The following USH2A variants were observed in gnomAD, a reference collection of about 807,000 sequenced individuals.
USH2A encodes Usher syndrome 2A (autosomal recessive, mild).
Under a neutral mutation model 538.9 loss-of-function variants are expected in USH2A, and 443 were observed. The ratio of observed to expected loss-of-function variants is 0.82; its 90% confidence interval spans 0.76 to 0.89. The LOEUF (loss-of-function observed/expected upper bound fraction) is 0.89, where lower values mean the gene tolerates loss of function less well. Ranked by LOEUF, USH2A falls within the 40% of genes least tolerant of loss-of-function variation. The probability of loss-of-function intolerance (pLI) is 0.00; values close to 1 mark genes in which losing one functional copy is unlikely to be tolerated. For missense variants in USH2A, 6,633 were observed against 6,324.8 expected, an observed-to-expected ratio of 1.05 and a Z score of -1.65; for synonymous variants, 2,413 against 2,273.5, an observed-to-expected ratio of 1.06 and a Z score of -1.75.
chr1:215,879,539 AC>A (rs1664857140), intron 41 of USH2A, among the ~76,000 whole-genome samples: 3 of 152,310 alleles, frequency 2.0e-5, no homozygotes, highest in African/African-American at 7.2e-5. Flanking sequence ...CAAATAAGTC[AC>A]TTTTTCTTGG....
At chr1:216,283,049 G>A (rs1414223555) in intron 11 of USH2A, among the ~76,000 whole-genome samples, 1 of 152,068 alleles carries the variant, frequency 6.6e-6, no homozygotes, top group African/African-American at 2.4e-5. Flanking sequence ...TTTGTGTATT[G>A]ATATTGTACT....
chr1:216,227,948 G>A (rs1244697890), intron 14 of USH2A, among the ~76,000 whole-genome samples: 2 of 152,106 alleles, frequency 1.3e-5, no homozygotes, highest in Non-Finnish European at 2.9e-5. Context: ...ACAGCAGAAG[G>A]GAGCCCACAA....
Position 215,695,593 on chromosome 1 carries a change from TC to T in USH2A, c.12067-15218del, listed in dbSNP as rs552430748. 5.3e-4 allele frequency among the ~76,000 whole-genome samples: 81 copies of T among 152,162 alleles called. 1 individual carries two copies. The South Asian group carries it at 0.016, about 31-fold the overall frequency. On this transcript the variant is annotated intron_variant, in intron 61 of 71. Transcript: ENST00000307340. The stretch of plus-strand genomic sequence containing the variant: ...AAATTTAGTTACAGGGAAAAGAAAC[TC>T]ATTTTGATTGGTTTTGTAAGGAAGA...
At chr1:215,681,866 G>T (rs796720572) in intron 61 of USH2A, among the ~76,000 whole-genome samples, 1 of 152,038 alleles carries the variant, frequency 6.6e-6, no homozygotes, top group Non-Finnish European at 1.5e-5. Flanking sequence ...GATATTACAC[G>T]CTAACCTCTT....
chr1:215,639,299 T>C (rs1656603173), intron 68 of USH2A, 61 bp from the exon 69 acceptor site: 1 of 1,541,644 alleles, frequency 6.5e-7, no homozygotes, highest in African/African-American at 1.4e-5. Context: ...ATAGGGCACA[T>C]GCTTTTAAAA....
chr1:216,185,370 G>C (rs1228631840), intron 20 of USH2A, among the ~76,000 whole-genome samples: 1 of 151,854 alleles, frequency 6.6e-6, no homozygotes, highest in Non-Finnish European at 1.5e-5. Flanking sequence ...TAATTCTCAA[G>C]CTTTTTAATG....
At chr1:216,017,401 T>C (rs1668740600) in intron 32 of USH2A, among the ~76,000 whole-genome samples, 1 of 152,232 alleles carries the variant, frequency 6.6e-6, no homozygotes, top group South Asian at 2.1e-4. Context: ...GAGATAACTT[T>C]ATAGAGTTAT....
chr1:215,816,012 T>G (rs754713147), intron 48 of USH2A, among the ~76,000 whole-genome samples: 3 of 152,066 alleles, frequency 2.0e-5, no homozygotes, highest in Non-Finnish European at 4.4e-5. Flanking sequence ...TAATAAATAT[T>G]AAAATAATAG....
At position 215,732,544 on chromosome 1, in the gene USH2A, C is replaced by CTTTT. The variant is rs141549439; in HGVS notation, c.11712-4164_11712-4161dup. 5.7e-3 allele frequency among the ~76,000 whole-genome samples: 421 copies of CTTTT among 73,610 alleles called. 1 individual carries two copies. The highest frequency in any genetic ancestry group is 0.014 in the African/African-American group (233 of 16,344). 48.3% of individuals were successfully genotyped at this position (73,610 alleles called of 152,430 possible). ...TCTTTCTTATTCTCCTTTTTTCTTT[C>CTTTT]TTTTTTTTTTTTTTTTTTTTTTTTT... On this transcript the variant is annotated intron_variant, in intron 60 of 71. Transcript: ENST00000307340.
At chr1:216,116,791 C>CA (rs1190768102) in intron 21 of USH2A, among the ~76,000 whole-genome samples, 1 of 151,438 alleles carries the variant, frequency 6.6e-6, no homozygotes, top group Admixed American at 6.6e-5. Context: ...AAGGGAATAA[C>CA]AAAATGAAGG....
At chr1:216,116,574 A>G (rs181490242) in intron 21 of USH2A, among the ~76,000 whole-genome samples, 13 of 152,262 alleles carry the variant, frequency 8.5e-5, no homozygotes, top group Non-Finnish European at 1.6e-4. Flanking sequence ...GACCAATACG[A>G]TACTTTATGC....
At position 216,325,838 on chromosome 1, in the gene USH2A, A is replaced by G. The variant is rs1384613561; in HGVS notation, c.849-239T>C. ...ATATTAACTTTTTATTTATATCAAG[A>G]AGCATGCATAAGCCCTTGTCTGATT... is the stretch of plus-strand genomic sequence containing the variant. On this transcript the variant is annotated intron_variant, in intron 5 of 71. Transcript: ENST00000307340. Among the ~76,000 whole-genome samples the G allele has an allele frequency of 2.6e-5, 4 of 152,204 alleles. 1 individual carries two copies. The highest frequency in any genetic ancestry group is 5.9e-5 in the Non-Finnish European group (4 of 68,036).
intron 3 of USH2A, among the ~76,000 whole-genome samples, chr1:216,409,502 A>T (rs1291056636): frequency 6.6e-6 from 1 of 152,186 alleles, no homozygotes; most frequent in Non-Finnish European, 1.5e-5. Context: ...TACAGTAAGC[A>T]AAACAGCATG....
In USH2A at chr1:215,942,500, G is replaced by T. The variant is rs138948622; in HGVS notation, c.7121-7705C>A. Among the ~76,000 whole-genome samples the T allele has an allele frequency of 7.6e-3, 1,155 of 152,228 alleles. 14 individuals are homozygous for T. Among genetic ancestry groups the T allele is most frequent in the African/African-American group, 0.026 (1,080 of 41,544 alleles). On this transcript the variant is annotated intron_variant, in intron 37 of 71. Transcript: ENST00000307340. ...CTGAACTGTATATATGAATCACCTT[G>T]CTAGAAAGAGATTTTGGACAAATTG...
chr1:216,110,832 A>C (rs954803227), intron 21 of USH2A, among the ~76,000 whole-genome samples: 1 of 152,198 alleles, frequency 6.6e-6, no homozygotes, highest in Non-Finnish European at 1.5e-5. Flanking sequence ...GCATCAATAA[A>C]TAAATGTTCA....
chr1:215,998,386 G>A (rs1668186309), intron 34 of USH2A, among the ~76,000 whole-genome samples: 1 of 151,828 alleles, frequency 6.6e-6, no homozygotes, highest in African/African-American at 2.4e-5. Context: ...GTTGATTCTG[G>A]GGTTTTATTA....
At chr1:216,203,361 T>C (rs1446223536) in intron 16 of USH2A, among the ~76,000 whole-genome samples, 1 of 151,944 alleles carries the variant, frequency 6.6e-6, no homozygotes, top group Non-Finnish European at 1.5e-5. Flanking sequence ...TTAACAACAA[T>C]AACTGAAAAT....
At chr1:215,846,438 T>A (rs976651458) in intron 44 of USH2A, among the ~76,000 whole-genome samples, 1 of 152,160 alleles carries the variant, frequency 6.6e-6, no homozygotes, top group African/African-American at 2.4e-5. Context: ...GGCCTCAAAC[T>A]TCTGGCCTCA....
At chr1:215,669,175 G>A (rs928899176) in intron 64 of USH2A, among the ~76,000 whole-genome samples, 6 of 152,170 alleles carry the variant, frequency 3.9e-5, no homozygotes, top group South Asian at 2.1e-4. Context: ...ATTAAGTTGC[G>A]TTTAATTAGC....
Sources: gnomAD v4.1 joint callset for allele counts (sites outside exome capture counted in the v4.1 genomes callset) on GRCh38, gnomAD v4.1.1 for gene constraint, MANE v1.5 for transcripts, NCBI Gene and HGNC (gene_info 2026-07-23, HGNC 2026-07-21) for gene names.